The following CPQ variants were observed in gnomAD, a reference collection of about 807,000 sequenced individuals.
CPQ encodes Ser-Met dipeptidase.
In CPQ, 37 loss-of-function variants were observed where a neutral mutation model predicts 45.7. The observed-to-expected ratio is 0.81, with a 90% confidence interval of 0.62 to 1.07. CPQ has a LOEUF of 1.07. Among genes scored for constraint, CPQ ranks in the 50% least tolerant of loss-of-function variants. The probability of loss-of-function intolerance (pLI) is 0.00; values close to 1 mark genes in which losing one functional copy is unlikely to be tolerated. For missense variants in CPQ, 537 were observed against 572.9 expected, an observed-to-expected ratio of 0.94 and a Z score of 0.64; for synonymous variants, 186 against 205.8, an observed-to-expected ratio of 0.90 and a Z score of 0.82.
Position 96,819,109 on chromosome 8 carries a change from C to T in CPQ, c.434-15864C>T, listed in dbSNP as rs369499816. Among the ~76,000 whole-genome samples the T allele has an allele frequency of 8.5e-5, 13 of 152,148 alleles. No homozygotes were observed. The South Asian group carries it at 2.7e-3, about 32-fold the overall frequency. On this transcript the variant is annotated intron_variant, in intron 2 of 7. Transcript: ENST00000220763. The stretch of plus-strand genomic sequence containing the variant: ...TTTCTATGGAAATTCCATCACATAG[C>T]TCCCTGAAGGTCCTCCTGCCTAGAA...
chr8:96,931,417 G>T (rs2130918842), intron 4 of CPQ, among the ~76,000 whole-genome samples: 1 of 151,798 alleles, frequency 6.6e-6, no homozygotes, highest in South Asian at 2.1e-4. Flanking sequence ...CAACACCATT[G>T]CTTGTTTTTT....
chr8:96,831,767 G>A (rs928182010), intron 2 of CPQ, among the ~76,000 whole-genome samples: 5 of 152,106 alleles, frequency 3.3e-5, no homozygotes, highest in Non-Finnish European at 7.3e-5. Flanking sequence ...GGACTTTCAT[G>A]AAACAAGTCC....
At chr8:96,938,724 G>T (rs1813086217) in intron 4 of CPQ, among the ~76,000 whole-genome samples, 2 of 152,166 alleles carry the variant, frequency 1.3e-5, no homozygotes, top group African/African-American at 4.8e-5. Context: ...GGGAAGCCAA[G>T]GGAACAAGAA....
chr8:96,700,279 A>C (rs1391926827), intron 1 of CPQ, among the ~76,000 whole-genome samples: 1 of 152,084 alleles, frequency 6.6e-6, no homozygotes, highest in African/African-American at 2.4e-5. Context: ...ATGTCTAAGA[A>C]GAAGACAGAG....
chr8:97,006,714 T>A (rs1206434897), intron 5 of CPQ, among the ~76,000 whole-genome samples: 1 of 152,188 alleles, frequency 6.6e-6, no homozygotes, highest in Non-Finnish European at 1.5e-5. Context: ...GGTTCCCTGA[T>A]ATGTTATGCT....
intron 5 of CPQ, among the ~76,000 whole-genome samples, chr8:96,993,204 G>C (rs902133600): frequency 6.6e-6 from 1 of 152,162 alleles, no homozygotes; most frequent in Non-Finnish European, 1.5e-5. Flanking sequence ...CTTGGAAACT[G>C]TTTTTAAGAT....
intron 7 of CPQ, among the ~76,000 whole-genome samples, chr8:97,098,325 C>G (rs1811243083): frequency 6.6e-6 from 1 of 152,124 alleles, no homozygotes; most frequent in Non-Finnish European, 1.5e-5. Context: ...GATGCTGAGT[C>G]TAGTGGGGTC....
At chr8:97,052,750 C>A (rs1810384247) in intron 6 of CPQ, among the ~76,000 whole-genome samples, 4 of 152,094 alleles carry the variant, frequency 2.6e-5, no homozygotes, top group African/African-American at 4.8e-5. Context: ...AAAATAAGAG[C>A]ATCTTATTCC....
chr8:96,785,908 G>T (rs56064043), intron 2 of CPQ, among the ~76,000 whole-genome samples: 23,891 of 152,090 alleles, frequency 0.16, 2,532 homozygotes, highest in Non-Finnish European at 0.25. Flanking sequence ...AGTTAGCCTT[G>T]AATATATCCA....
At chr8:97,087,385 A>G (rs181308586) in intron 7 of CPQ, among the ~76,000 whole-genome samples, 2 of 151,266 alleles carry the variant, frequency 1.3e-5, no homozygotes, top group Non-Finnish European at 2.9e-5. Flanking sequence ...CGCCCAGTAT[A>G]CTTCTCCCAG....
In CPQ at chr8:96,879,986, G is replaced by A. The variant is rs375182115; in HGVS notation, c.830G>A (p.Gly277Glu). The change falls in exon 4 of 8, where the codon GGG (glycine) becomes GAG (glutamate). Residue 277 changes from glycine to glutamate, a missense_variant. By Grantham distance (98) the Gly-to-Glu change is moderately conservative. Transcript: ENST00000220763. ...DSFNTVAEIT[G>E]SKYPEQVVLV... Reference sequence around the variant, plus strand: ...TTCAACACTGTAGCAGAGATCACTGGGAGCAAATATCCAGAACAGGTGAGT... The same window carrying A: ...TTCAACACTGTAGCAGAGATCACTGAGAGCAAATATCCAGAACAGGTGAGT... The A allele has an allele frequency of 6.2e-7, 1 of 1,613,942 alleles. No individual in the cohort carries two copies. Among genetic ancestry groups the A allele is most frequent in the Non-Finnish European group, 8.5e-7 (1 of 1,179,868 alleles).
At chr8:96,914,225 C>A (rs912075574) in intron 4 of CPQ, among the ~76,000 whole-genome samples, 1 of 152,060 alleles carries the variant, frequency 6.6e-6, no homozygotes, top group African/African-American at 2.4e-5. Flanking sequence ...GAGACAGCAA[C>A]CCAAGGACTT....
At chr8:96,769,209 C>G (rs972278399) in intron 1 of CPQ, among the ~76,000 whole-genome samples, 2 of 152,114 alleles carry the variant, frequency 1.3e-5, no homozygotes, top group African/African-American at 4.8e-5. Context: ...AAAGCACTTC[C>G]TATTACACTT....
chr8:97,013,697 G>A (rs1374565563), intron 5 of CPQ, among the ~76,000 whole-genome samples: 1 of 152,168 alleles, frequency 6.6e-6, no homozygotes, highest in African/African-American at 2.4e-5. Flanking sequence ...CAATTTACAT[G>A]GAAATGAGGC....
rs192048559 is a variant in CPQ at position 97,018,561 on chromosome 8, G to A, written c.962-10842G>A. ...AAATAAAAAACAATCAAAACTTCAG[G>A]AAACAATGGACACACTTATAGAAAT... On this transcript the variant is annotated intron_variant, in intron 5 of 7. Coordinates refer to ENST00000220763, the MANE Select transcript of CPQ (RefSeq NM_016134.4). Among the ~76,000 whole-genome samples the A allele has an allele frequency of 1.7e-3, 252 of 152,160 alleles. 3 individuals carry two copies. The highest frequency in any genetic ancestry group is 0.013 in the Admixed American group (195 of 15,276).
chr8:97,045,226 C>T (rs1203776223), intron 6 of CPQ, among the ~76,000 whole-genome samples: 2 of 152,146 alleles, frequency 1.3e-5, no homozygotes, highest in Non-Finnish European at 2.9e-5. Context: ...TGCCGCCTTG[C>T]AGTTTGATCT....
intron 1 of CPQ, among the ~76,000 whole-genome samples, chr8:96,701,866 A>G (rs16895032): frequency 0.012 from 1,813 of 152,266 alleles, 47 homozygotes; most frequent in African/African-American, 0.04. Context: ...TGTTTGTGCA[A>G]TAGCTGTTGT....
chr8:96,819,403 A>C (rs372755604), intron 2 of CPQ, among the ~76,000 whole-genome samples: 1 of 152,098 alleles, frequency 6.6e-6, no homozygotes, highest in East Asian at 1.9e-4. Context: ...TTACATTATT[A>C]ACTAAAGAAA....
At chr8:96,954,207 G>A (rs775879830) in intron 4 of CPQ, among the ~76,000 whole-genome samples, 6 of 150,864 alleles carry the variant, frequency 4.0e-5, no homozygotes, top group Non-Finnish European at 7.4e-5. Context: ...GTTTTTGTTT[G>A]TATTGTTTTT....
Sources: allele counts gnomAD v4.1 joint callset (sites outside exome capture counted in the v4.1 genomes callset), GRCh38; gene constraint gnomAD v4.1.1; transcripts MANE v1.5; gene names NCBI Gene and HGNC (gene_info 2026-07-23, HGNC 2026-07-21).